Variants in DCDC2 observed in about 807,000 individuals in gnomAD.
DCDC2 encodes the protein doublecortin domain-containing protein 2.
In DCDC2, 40 loss-of-function variants were observed where a neutral mutation model predicts 50.2. That is an observed-to-expected ratio of 0.80 (90% CI 0.62 to 1.04). The LOEUF (loss-of-function observed/expected upper bound fraction) is 1.04, where lower values mean the gene tolerates loss of function less well. Among genes scored for constraint, DCDC2 ranks in the 50% least tolerant of loss-of-function variants. The pLI is 0.00. For synonymous variants in DCDC2, 234 were observed against 210.6 expected (o/e 1.11, Z -0.96); for missense variants, 570 against 581.9 (o/e 0.98, Z 0.21).
chr6:24,267,048 C>T (rs540818108), intron 7 of DCDC2, among the ~76,000 whole-genome samples: 3 of 152,164 alleles, frequency 2.0e-5, no homozygotes. Context: ...GTGAAATAAT[C>T]CAGGCACAAA....
At chr6:24,349,474 AGAGTAAGTGCTGGT>A (rs1394912425) in intron 2 of DCDC2, among the ~76,000 whole-genome samples, 1 of 152,210 alleles carries the variant, frequency 6.6e-6, no homozygotes, top group Non-Finnish European at 1.5e-5. Flanking sequence ...GGTAGGGGCA[AGAGTAAGTGCTGGT>A]AAAGGCATCA....
At chr6:24,349,960 T>C (rs1420085391) in intron 2 of DCDC2, among the ~76,000 whole-genome samples, 1 of 152,148 alleles carries the variant, frequency 6.6e-6, no homozygotes, top group Non-Finnish European at 1.5e-5. Flanking sequence ...TTCCTCTTTC[T>C]TTTATTCTTC....
At chr6:24,324,782 G>C (rs1759828831) in intron 2 of DCDC2, among the ~76,000 whole-genome samples, 1 of 151,906 alleles carries the variant, frequency 6.6e-6, no homozygotes, top group Non-Finnish European at 1.5e-5. Flanking sequence ...ACTTGGGAGG[G>C]TGAGGTGGGA....
chr6:24,288,637 A>C (rs1763670020), intron 6 of DCDC2, among the ~76,000 whole-genome samples: 1 of 152,198 alleles, frequency 6.6e-6, no homozygotes, highest in African/African-American at 2.4e-5. Context: ...GTGTATATAC[A>C]AGGAAAAAAT....
chr6:24,244,460 AC>A (rs1762629008), intron 7 of DCDC2, among the ~76,000 whole-genome samples: 1 of 152,206 alleles, frequency 6.6e-6, no homozygotes, highest in South Asian at 2.1e-4. Context: ...GGAAGCTCAC[AC>A]AGCTGCCTCT....
At chr6:24,249,144 T>A (rs1339181381) in intron 7 of DCDC2, among the ~76,000 whole-genome samples, 1 of 101,818 alleles carries the variant, frequency 9.8e-6, no homozygotes, top group Non-Finnish European at 2.0e-5. Context: ...ACTTAATACC[T>A]GATGACTCCC....
At position 24,357,994 on chromosome 6, in the gene DCDC2, G is replaced by A; in HGVS notation, c.-244C>T. ...TCACCGTGGCGTGCACAGCCAATCA[G>A]GACCCGCAGTGCGCGCACCACACCA... On this transcript the variant is annotated 5_prime_UTR_variant, in exon 1 of 10. Coordinates refer to ENST00000378454, the MANE Select transcript of DCDC2 (RefSeq NM_016356.5). 2.1e-6 allele frequency: 3 copies of A among 1,398,912 alleles called. No homozygotes were observed. The highest frequency in any genetic ancestry group is 9.5e-7 in the Non-Finnish European group (1 of 1,050,918). The allele number at this position is 1,398,912 out of a possible 1,614,324, so 86.7% of individuals were successfully genotyped here.
chr6:24,369,885 C>CA, the DCDC2 span, among the ~76,000 whole-genome samples: 2 of 148,966 alleles, frequency 1.3e-5, no homozygotes, highest in Non-Finnish European at 1.5e-5. Context: ...ACCAAAATTA[C>CA]AAAAAAAATA....
At chr6:24,363,188 C>T in the DCDC2 span, among the ~76,000 whole-genome samples, 1 of 152,148 alleles carries the variant, frequency 6.6e-6, no homozygotes, top group South Asian at 2.1e-4. Flanking sequence ...AGAAGTGTTG[C>T]TGTGCATTAA....
Position 24,178,353 on chromosome 6 carries a change from C to G in DCDC2, c.1303G>C (p.Gly435Arg). The G allele has an allele frequency of 6.2e-7, 1 of 1,613,882 alleles. No individual in the cohort carries two copies. The highest frequency in any genetic ancestry group is 1.3e-5 in the African/African-American group (1 of 75,054). ...LVLDKERKSQ[G>R]AGSGQDEADV... ...ACCTCATCTTGTCCACTGCCAGCTC[C>G]TTGAGACTTTCTTTCCTTGTCTAGG... The change falls in exon 9 of 10, where the codon GGA (glycine) becomes CGA (arginine). Residue 435 changes from glycine (G) to arginine (R), a missense_variant. Gly to Arg is a moderately radical substitution (Grantham distance 125). Coordinates refer to ENST00000378454, the MANE Select transcript of DCDC2 (RefSeq NM_016356.5).
At chr6:24,315,940 G>A (rs1454636265) in intron 2 of DCDC2, among the ~76,000 whole-genome samples, 1 of 152,082 alleles carries the variant, frequency 6.6e-6, no homozygotes, top group Non-Finnish European at 1.5e-5. Context: ...GGATGACTGA[G>A]GAAAAAAAGA....
chr6:24,372,966 A>C, the DCDC2 span, among the ~76,000 whole-genome samples: 488 of 152,364 alleles, frequency 3.2e-3, 1 homozygote, highest in African/African-American at 0.011. Flanking sequence ...GGCTCTTAAC[A>C]AAAGAAGTAA....
chr6:24,249,001 G>C (rs1427287919), intron 7 of DCDC2, among the ~76,000 whole-genome samples: 1 of 152,022 alleles, frequency 6.6e-6, no homozygotes, highest in Admixed American at 6.6e-5. Flanking sequence ...ATAATTTTAG[G>C]TATTTGTTTT....
chr6:24,376,525 C>CA, the DCDC2 span, among the ~76,000 whole-genome samples: 1 of 152,100 alleles, frequency 6.6e-6, no homozygotes, highest in African/African-American at 2.4e-5. Context: ...GAATGAGGAA[C>CA]ATGGAGAAGC....
At chr6:24,336,057 T>A (rs1179036480) in intron 2 of DCDC2, among the ~76,000 whole-genome samples, 1 of 152,114 alleles carries the variant, frequency 6.6e-6, no homozygotes, top group Non-Finnish European at 1.5e-5. Context: ...CAAATCCAGG[T>A]TCTAGAGGAA....
intron 8 of DCDC2, among the ~76,000 whole-genome samples, chr6:24,179,581 A>G (rs1246446293): frequency 6.9e-6 from 1 of 145,310 alleles, no homozygotes; most frequent in Non-Finnish European, 1.5e-5. Context: ...AAAAAAGAAT[A>G]AATACTAAAG....
chr6:24,371,645 G>C, the DCDC2 span, among the ~76,000 whole-genome samples: 1 of 152,196 alleles, frequency 6.6e-6, no homozygotes, highest in African/African-American at 2.4e-5. Context: ...AAACTAAAGA[G>C]CTTCTGCACA....
At chr6:24,329,308 T>A (rs1759927370) in intron 2 of DCDC2, among the ~76,000 whole-genome samples, 1 of 152,180 alleles carries the variant, frequency 6.6e-6, no homozygotes, top group East Asian at 1.9e-4. Context: ...GAAGCTAGAC[T>A]TCCTGGACAG....
intron 7 of DCDC2, among the ~76,000 whole-genome samples, chr6:24,212,383 C>G (rs1217199187): frequency 6.6e-6 from 1 of 152,146 alleles, no homozygotes. Flanking sequence ...GCCAAAAAGA[C>G]AGTGGTCAGA....
Sources: gnomAD v4.1 joint callset for allele counts (sites outside exome capture counted in the v4.1 genomes callset) on GRCh38, gnomAD v4.1.1 for gene constraint, MANE v1.5 for transcripts, NCBI Gene and HGNC (gene_info 2026-07-23, HGNC 2026-07-21) for gene names.